Variants in TLE3 observed in about 807,000 individuals in gnomAD.
TLE3 encodes the protein TLE family member 3, transcriptional corepressor.
In TLE3, 14 loss-of-function variants were observed where a neutral mutation model predicts 93.0. That is an observed-to-expected ratio of 0.15 (90% CI 0.10 to 0.24). The LOEUF (loss-of-function observed/expected upper bound fraction) is 0.24, where lower values mean the gene tolerates loss of function less well. Ranked by LOEUF, TLE3 falls within the 10% of genes least tolerant of loss-of-function variation. The pLI is 1.00. For missense variants in TLE3, 693 were observed against 1,046.6 expected, an observed-to-expected ratio of 0.66 and a Z score of 4.66; for synonymous variants, 451 against 425.0, an observed-to-expected ratio of 1.06 and a Z score of -0.75.
chr15:70,079,520 C>T lies in TLE3; in HGVS notation c.235-3362G>A, dbSNP rs989414299. ...CCAGCTGTCACTGTGCCATCATCTG[C>T]TAGTACCCTCTTGGGGTCTCCCCAC... On this transcript the variant is annotated intron_variant, in intron 4 of 19. Coordinates refer to ENST00000451782, the MANE Select transcript of TLE3 (RefSeq NM_001105192.3). The T allele has an allele frequency of 5.6e-4, 245 of 437,058 alleles. 4 individuals carry two copies. The highest frequency in any genetic ancestry group is 1.3e-4 in the Non-Finnish European group (28 of 221,010). 27.1% of individuals were successfully genotyped at this position (437,058 alleles called of 1,614,324 possible).
chr15:70,053,433 G>A (rs565161573), intron 16 of TLE3, 59 bp from the exon 17 acceptor site: 43 of 1,545,406 alleles, frequency 2.8e-5, no homozygotes, highest in Admixed American at 3.7e-5. Flanking sequence ...GCCAGGTGGC[G>A]GCCATCCCAG....
At chr15:70,069,959 G>T (rs540378311) in intron 6 of TLE3, among the ~76,000 whole-genome samples, 1 of 152,272 alleles carries the variant, frequency 6.6e-6, no homozygotes, top group South Asian at 2.1e-4. Flanking sequence ...TGAGTGGGAG[G>T]CTGATACTGT....
intron 18 of TLE3, 32 bp from the exon 19 acceptor site, chr15:70,051,499 T>C: frequency 6.3e-7 from 1 of 1,577,216 alleles, no homozygotes; most frequent in South Asian, 1.2e-5. Context: ...ATGATCAGGT[T>C]GTAGCTCACT....
intron 4 of TLE3, among the ~76,000 whole-genome samples, chr15:70,091,551 G>A (rs1004850401): frequency 4.6e-5 from 7 of 152,148 alleles, no homozygotes; most frequent in South Asian, 4.1e-4. Context: ...TTGAAGTCCC[G>A]GGCCAGGCCT....
In TLE3 at chr15:70,096,978, A is replaced by T; in HGVS notation, c.-180T>A. On this transcript the variant is annotated 5_prime_UTR_variant, in exon 1 of 20. Transcript: ENST00000451782. ...AGAGTCGGGCGCCCGCCCCAAGTGG[A>T]GACAAAGAGCCGCGGAGCAGGCGGC... is the stretch of plus-strand genomic sequence containing the variant. The T allele has an allele frequency of 5.2e-6, 3 of 576,460 alleles. No homozygotes were observed. The highest frequency in any genetic ancestry group is 2.9e-6 in the Non-Finnish European group (1 of 341,050). The allele number at this position is 576,460 out of a possible 1,614,324, so 35.7% of individuals were successfully genotyped here.
In TLE3 at chr15:70,097,673, G is replaced by T; in HGVS notation, c.-875C>A. On this transcript the variant is annotated 5_prime_UTR_variant, in exon 1 of 20. Transcript: ENST00000451782. ...CGGAGCGCACAGGCAGGAGAGCGCT[G>T]GAGGGGAGACGCAGCCCGAGACCGG... 1 of 397,994 alleles carries T rather than the reference G, an allele frequency of 2.5e-6. No homozygotes were observed. Among genetic ancestry groups the T allele is most frequent in the Non-Finnish European group, 4.4e-6 (1 of 225,534 alleles). The allele number at this position is 397,994 out of a possible 1,614,324, so 24.7% of individuals were successfully genotyped here.
intron 13 of TLE3, among the ~76,000 whole-genome samples, chr15:70,056,715 CTG>C (rs1223108314): frequency 2.0e-5 from 3 of 152,180 alleles, no homozygotes; most frequent in Non-Finnish European, 4.4e-5. Flanking sequence ...AAAAGGAAAA[CTG>C]TCTCCTGAAA....
intron 4 of TLE3, among the ~76,000 whole-genome samples, chr15:70,082,681 C>T (rs1414843387): frequency 6.6e-6 from 1 of 152,246 alleles, no homozygotes; most frequent in African/African-American, 2.4e-5. Context: ...CCCAGCCCCC[C>T]TCAGCGTGAC....
intron 4 of TLE3, among the ~76,000 whole-genome samples, 187 bp downstream of exon 4, chr15:70,094,345 C>T (rs932723545): frequency 2.0e-5 from 3 of 151,608 alleles, no homozygotes; most frequent in African/African-American, 7.3e-5. Context: ...AAAAGCTCAA[C>T]ATGTCTAAAA....
intron 6 of TLE3, among the ~76,000 whole-genome samples, chr15:70,070,167 G>T (rs1438632815): frequency 6.6e-6 from 1 of 152,200 alleles, no homozygotes; most frequent in Non-Finnish European, 1.5e-5. Flanking sequence ...ATGCATGGGC[G>T]TTCACTTTTC....
In TLE3 at chr15:70,079,612, C is replaced by T. The variant is rs1044340723; in HGVS notation, c.235-3454G>A. On this transcript the variant is annotated intron_variant, in intron 4 of 19. Transcript: ENST00000451782. ...GCTGCCCAACCCTGAGAATGGGCTG[C>T]GTGCACTCTGCAGAGTCAAAGCATG... 3.2e-5 allele frequency: 11 copies of T among 345,002 alleles called. No individual in the cohort carries two copies. In the Admixed American group the frequency reaches 4.4e-4, roughly 14 times the overall value. 21.4% of individuals were successfully genotyped at this position (345,002 alleles called of 1,614,324 possible). A position where few individuals can be genotyped will look rare whatever the true frequency, so the allele number is the denominator to read the frequency against.
intron 4 of TLE3, among the ~76,000 whole-genome samples, chr15:70,081,369 G>A (rs900057269): frequency 9.9e-5 from 15 of 152,252 alleles, no homozygotes; most frequent in Admixed American, 9.2e-4. Flanking sequence ...TTGAGATGTG[G>A]ATGGATGCTG....
intron 4 of TLE3, among the ~76,000 whole-genome samples, chr15:70,078,451 G>A (rs1354469776): frequency 2.0e-5 from 3 of 152,238 alleles, no homozygotes; most frequent in African/African-American, 7.2e-5. Context: ...ACAGGTCCAA[G>A]GCCTGTTATC....
chr15:70,075,222 T>C lies in TLE3; in HGVS notation c.298-615A>G, dbSNP rs556740331. On this transcript the variant is annotated intron_variant, in intron 5 of 19. Coordinates refer to ENST00000451782, the MANE Select transcript of TLE3 (RefSeq NM_001105192.3). ...GACTTTGGGTGATGATGTGTCAATG[T>C]AGATTCATCAGTTTCAACAAATGTA... Among the ~76,000 whole-genome samples, 12 of 152,372 alleles carry C rather than the reference T, an allele frequency of 7.9e-5. No homozygotes were observed. The South Asian group carries it at 8.3e-4, about 11-fold the overall frequency.
At position 70,091,740 on chromosome 15, in the gene TLE3, G is replaced by A. The variant is rs192907197; in HGVS notation, c.234+2792C>T. Among the ~76,000 whole-genome samples, 88 of 152,286 alleles carry A rather than the reference G, an allele frequency of 5.8e-4. 1 individual carries two copies. Among genetic ancestry groups the A allele is most frequent in the Admixed American group, 2.3e-3 (35 of 15,294 alleles). On this transcript the variant is annotated intron_variant, in intron 4 of 19. Coordinates refer to ENST00000451782, the MANE Select transcript of TLE3 (RefSeq NM_001105192.3). ...CTCTCAGTAAAATAAAAATGGGCTG[G>A]ACGCACCTCATCAGCTGCCCTCTGT...
At chr15:70,079,333 T>C in intron 4 of TLE3, 1 of 495,476 alleles carries the variant, frequency 2.0e-6, no homozygotes, top group Non-Finnish European at 4.1e-6. Context: ...CAGGAAGGAC[T>C]TTGGCACGTC....
chr15:70,079,409 C>T (rs748573598), intron 4 of TLE3: 4 of 447,706 alleles, frequency 8.9e-6, no homozygotes, highest in South Asian at 6.4e-5. Flanking sequence ...TTGGGAGAAC[C>T]TCCTGGTTCA....
chr15:70,088,123 TCA>T (rs2058117857), intron 4 of TLE3, among the ~76,000 whole-genome samples: 2 of 152,298 alleles, frequency 1.3e-5, no homozygotes, highest in South Asian at 2.1e-4. Flanking sequence ...GCCTAAACAT[TCA>T]CAGTGACAGC....
chr15:70,082,070 A>G (rs2057806707), intron 4 of TLE3, among the ~76,000 whole-genome samples: 1 of 151,964 alleles, frequency 6.6e-6, no homozygotes, highest in Non-Finnish European at 1.5e-5. Context: ...GCTGTGCAGA[A>G]AGAGGTGGCC....
Sources: gnomAD v4.1 joint callset for allele counts (sites outside exome capture counted in the v4.1 genomes callset) on GRCh38, gnomAD v4.1.1 for gene constraint, MANE v1.5 for transcripts, NCBI Gene and HGNC (gene_info 2026-07-23, HGNC 2026-07-21) for gene names.